The following ZNF516 variants were observed in gnomAD, a reference collection of about 807,000 sequenced individuals.
The protein encoded by ZNF516 is zinc finger protein 516.
ZNF516 carries 19 observed loss-of-function variants against 79.7 expected under a neutral mutation model. The observed-to-expected ratio is 0.24, with a 90% CI of 0.17 to 0.35. The LOEUF is 0.35. ZNF516 is among the 10% of genes least tolerant of loss of function. The probability of loss-of-function intolerance (pLI) is 1.00; values close to 1 mark genes in which losing one functional copy is unlikely to be tolerated. For missense variants in ZNF516, 1,678 were observed against 1,679.5 expected (o/e 1.00, Z 0.02); for synonymous variants, 877 against 739.5 (o/e 1.19, Z -3.02).
In ZNF516 at chr18:76,441,495, G is replaced by A. The variant is rs2075820973; in HGVS notation, c.1560C>T (p.Cys520=). The change falls in exon 3 of 7, where the codon TGC becomes TGT. Residue 520 remains cysteine (C), a synonymous_variant. Transcript: ENST00000443185. ...GQGKSSECFE[C]GKIFRTYHQM... ...GATGATAGGTGCGGAAGATCTTGCC[G>A]CACTCGAAGCACTCGGAGGACTTGC... The A allele has an allele frequency of 2.5e-6, 4 of 1,593,838 alleles. No individual in the cohort carries two copies. The highest frequency in any genetic ancestry group is 2.6e-6 in the Non-Finnish European group (3 of 1,171,798).
In ZNF516 at chr18:76,379,540, T is replaced by G; in HGVS notation, c.2574A>C (p.Thr858=). The change falls in exon 4 of 7, where the codon ACA becomes ACC. Residue 858 remains threonine (T), a synonymous_variant. Coordinates refer to ENST00000443185, the MANE Select transcript of ZNF516 (RefSeq NM_014643.4). ...KSGSSPLGVV[T]KAASMPKNKE... Reference sequence around the variant, plus strand: ...TATTCTTAGGCATGCTAGCGGCTTTTGTGACCACTCCCAGGGGAGAAGAGC... The same window carrying G: ...TATTCTTAGGCATGCTAGCGGCTTTGGTGACCACTCCCAGGGGAGAAGAGC... 2 of 1,613,732 alleles carry G rather than the reference T, an allele frequency of 1.2e-6. No homozygotes were observed. The highest frequency in any genetic ancestry group is 1.7e-6 in the Non-Finnish European group (2 of 1,179,894).
intron 3 of ZNF516, among the ~76,000 whole-genome samples, chr18:76,392,269 A>G (rs1438211876): frequency 6.6e-6 from 1 of 152,222 alleles, no homozygotes. Flanking sequence ...AGGTTCCTAA[A>G]TAGATGTAAG....
At chr18:76,458,893 C>T (rs1912918305) in intron 2 of ZNF516, among the ~76,000 whole-genome samples, 1 of 152,148 alleles carries the variant, frequency 6.6e-6, no homozygotes, top group Admixed American at 6.5e-5. Flanking sequence ...GTGTGCGTGC[C>T]TGTGTGTAAA....
At position 76,467,162 on chromosome 18, in the gene ZNF516, T is replaced by C. The variant is rs1215628562; in HGVS notation, c.-271-4021A>G. 7.9e-6 allele frequency among the ~76,000 whole-genome samples: 1 copy of C among 126,256 alleles called. No homozygotes were observed. Among genetic ancestry groups the C allele is most frequent in the Non-Finnish European group, 1.7e-5 (1 of 60,194 alleles). 82.8% of individuals were successfully genotyped at this position (126,256 alleles called of 152,430 possible). ...CGGAACCTGCAGCTCACAGCCCTTC[T>C]GGGTTGGCAGGAAGTCCTGCGTGTC... On this transcript the variant is annotated intron_variant, in intron 1 of 6. Transcript: ENST00000443185. This position sits in a 1 kb window ranked among gnomAD's most constrained non-coding sequence, Gnocchi z 4.2.
At position 76,390,743 on chromosome 18, in the gene ZNF516, A is replaced by G. The variant is rs2075059721; in HGVS notation, c.1811-10440T>C. Among the ~76,000 whole-genome samples the G allele has an allele frequency of 1.3e-5, 2 of 152,170 alleles. 1 individual carries two copies. The highest frequency in any genetic ancestry group is 4.1e-4 in the South Asian group (2 of 4,826). On this transcript the variant is annotated intron_variant, in intron 3 of 6. Coordinates refer to ENST00000443185, the MANE Select transcript of ZNF516 (RefSeq NM_014643.4). ...TTTGCCAACTCAGCCTGAGCACTGC[A>G]TTCCCCAGCCAGAAGCACCGAGCGG...
At chr18:76,488,072 C>T (rs1914934683) in intron 1 of ZNF516, 7 of 985,316 alleles carry the variant, frequency 7.1e-6, no homozygotes, top group African/African-American at 3.5e-5. Context: ...CATCTGCCTC[C>T]GAGAACCTCC....
intron 1 of ZNF516, among the ~76,000 whole-genome samples, chr18:76,471,373 G>T (rs1765019270): frequency 6.6e-6 from 1 of 152,180 alleles, no homozygotes; most frequent in Non-Finnish European, 1.5e-5. Flanking sequence ...GCAAGAGAGG[G>T]CAGCGACCCC....
chr18:76,459,035 CTT>C lies in ZNF516; in HGVS notation c.-158+3991_-158+3992del, dbSNP rs1410531270. Reference sequence around the variant, plus strand: ...CTGAGAGAGCACATGTGTGTGATCTCTTAACCTACATAAAAGCACTCATTCAA... The same window carrying C: ...CTGAGAGAGCACATGTGTGTGATCTCAACCTACATAAAAGCACTCATTCAA... On this transcript the variant is annotated intron_variant, in intron 2 of 6. Transcript: ENST00000443185. This position sits in a 1 kb window ranked among gnomAD's most constrained non-coding sequence, Gnocchi z 5.0. Among the ~76,000 whole-genome samples the C allele has an allele frequency of 6.6e-6, 1 of 152,174 alleles. No homozygotes were observed. The highest frequency in any genetic ancestry group is 1.5e-5 in the Non-Finnish European group (1 of 68,030).
chr18:76,376,936 T>C (rs1329938362), intron 4 of ZNF516, among the ~76,000 whole-genome samples: 3 of 152,162 alleles, frequency 2.0e-5, no homozygotes, highest in Non-Finnish European at 4.4e-5. Flanking sequence ...AGCACAGACC[T>C]CACCACTCAG....
At chr18:76,407,368 T>C (rs921135919) in intron 3 of ZNF516, among the ~76,000 whole-genome samples, 27 of 152,206 alleles carry the variant, frequency 1.8e-4, no homozygotes, top group Admixed American at 1.7e-3. Flanking sequence ...AAGGTTGCAG[T>C]GAGCCAAGAT....
At chr18:76,465,505 T>G (rs1913406987) in intron 1 of ZNF516, among the ~76,000 whole-genome samples, 1 of 152,166 alleles carries the variant, frequency 6.6e-6, no homozygotes, top group Non-Finnish European at 1.5e-5. Context: ...TGCTCCAGGA[T>G]GGAGGGACAG....
intron 2 of ZNF516, among the ~76,000 whole-genome samples, chr18:76,443,628 C>G (rs1911866302): frequency 6.6e-6 from 1 of 152,140 alleles, no homozygotes; most frequent in Non-Finnish European, 1.5e-5. Context: ...AGTTCCTGGG[C>G]TGATGGAAGG....
At chr18:76,491,361 C>T (rs1599173591) in intron 1 of ZNF516, among the ~76,000 whole-genome samples, 1 of 135,446 alleles carries the variant, frequency 7.4e-6, no homozygotes, top group East Asian at 2.2e-4. Flanking sequence ...CCCGCAGCCC[C>T]CTCTCTCCTC....
In ZNF516 at chr18:76,442,478, C is replaced by T. The variant is rs779596444; in HGVS notation, c.577G>A (p.Val193Met). The T allele has an allele frequency of 2.8e-5, 45 of 1,603,800 alleles. No homozygotes were observed. The highest frequency in any genetic ancestry group is 3.8e-5 in the Non-Finnish European group (45 of 1,179,642). Residue 193 changes from valine (V) to methionine (M), a missense_variant, in exon 3 of 7, where the codon GTG becomes ATG. Physicochemically the swap from Val to Met is conservative, Grantham distance 21. Coordinates refer to ENST00000443185, the MANE Select transcript of ZNF516 (RefSeq NM_014643.4). ...TTGAACGGCTTGTGCGCCTGGTGCA[C>T]GTGCAGCTCCAGGTCCTTCTTACGC... ...FERKKDLELH[V>M]HQAHKPFKCR...
At position 76,361,780 on chromosome 18, in the gene ZNF516, A is replaced by G. The variant is rs1281225253; in HGVS notation, c.*718T>C. ...CGAGGCGGAATCTACGCATTCCCAC[A>G]GACGTGTCTCCTTTGCCAGATTCGC... On this transcript the variant is annotated 3_prime_UTR_variant, in exon 7 of 7. Transcript: ENST00000443185. The G allele has an allele frequency of 6.6e-6, 1 of 152,218 alleles. No homozygotes were observed. The highest frequency in any genetic ancestry group is 1.5e-5 in the Non-Finnish European group (1 of 68,052). 9.4% of individuals were successfully genotyped at this position (152,218 alleles called of 1,614,324 possible).
At chr18:76,482,171 C>T (rs1043168720) in intron 1 of ZNF516, among the ~76,000 whole-genome samples, 6 of 152,156 alleles carry the variant, frequency 3.9e-5, no homozygotes, top group South Asian at 4.1e-4. Context: ...AACACATCAA[C>T]GGCCATGTTT....
intron 1 of ZNF516, chr18:76,490,846 C>T: frequency 1.0e-6 from 1 of 985,496 alleles, no homozygotes; most frequent in Non-Finnish European, 1.2e-6. Flanking sequence ...ACGCAGGGGA[C>T]ACCCCTGGAA....
intron 3 of ZNF516, among the ~76,000 whole-genome samples, chr18:76,440,904 T>A (rs1434684801): frequency 6.6e-6 from 1 of 152,174 alleles, no homozygotes; most frequent in Non-Finnish European, 1.5e-5. Context: ...CCATCAACCC[T>A]AGAGGTCAAA....
intron 6 of ZNF516, among the ~76,000 whole-genome samples, chr18:76,367,388 C>T (rs753170335): frequency 1.7e-4 from 26 of 152,244 alleles, no homozygotes; most frequent in Non-Finnish European, 2.8e-4. Flanking sequence ...TCATTCTTCT[C>T]AAGCTACAAC....
Sources: allele counts gnomAD v4.1 joint callset (sites outside exome capture counted in the v4.1 genomes callset), GRCh38; gene constraint gnomAD v4.1.1; non-coding constraint Gnocchi (gnomAD v3.1); transcripts MANE v1.5; gene names NCBI Gene and HGNC (gene_info 2026-07-23, HGNC 2026-07-21).